The following SPATA3 variants were observed in gnomAD, a reference collection of about 807,000 sequenced individuals.
SPATA3 encodes spermatogenesis-associated protein 3.
SPATA3 carries 6 observed loss-of-function variants against 5.7 expected under a neutral mutation model. The observed-to-expected ratio is 1.06, with a 90% CI of 0.58 to 2.09. SPATA3 has a LOEUF of 2.09. SPATA3 is among the 30% of genes most tolerant of loss of function. The probability of loss-of-function intolerance (pLI) is 0.00; values close to 1 mark genes in which losing one functional copy is unlikely to be tolerated. For missense variants in SPATA3, 155 were observed against 130.4 expected, an observed-to-expected ratio of 1.19 and a Z score of -0.92; for synonymous variants, 44 against 48.4, an observed-to-expected ratio of 0.91 and a Z score of 0.37.
downstream of SPATA3, among the ~76,000 whole-genome samples, chr2:231,003,774 G>A (rs570554893): frequency 6.6e-5 from 10 of 152,324 alleles, no homozygotes; most frequent in Middle Eastern, 3.4e-3. Context: ...GGGGATAATC[G>A]TCTGTTTTCC....
rs1400088248 is a variant in SPATA3 at position 231,000,364 on chromosome 2, A to G, written c.791-2A>G. 1.3e-6 allele frequency: 2 copies of G among 1,490,136 alleles called. No homozygotes were observed. The highest frequency in any genetic ancestry group is 1.3e-5 in the South Asian group (1 of 75,886). 92.3% of individuals were successfully genotyped at this position (1,490,136 alleles called of 1,614,324 possible). A position where few individuals can be genotyped will look rare whatever the true frequency, so the allele number is the denominator to read the frequency against. ...CTCACCTCTCTCCTTCTGTCCCCACAGGGCCTCTGATTCGCGCCGGCCCGC... is the reference window on the plus strand; with the variant it reads ...CTCACCTCTCTCCTTCTGTCCCCACGGGGCCTCTGATTCGCGCCGGCCCGC... On this transcript the variant is annotated splice_acceptor_variant, in intron 1 of 2. Coordinates refer to ENST00000645363, the Ensembl canonical transcript of SPATA3. LOFTEE classifies it high-confidence loss of function.
Position 231,002,716 on chromosome 2 carries a change from A to G in SPATA3, c.995A>G (p.Asn332Ser), listed in dbSNP as rs140808416. 3.9e-6 allele frequency: 6 copies of G among 1,529,350 alleles called. No individual in the cohort carries two copies. In the African/African-American group the frequency reaches 8.3e-5, roughly 21 times the overall value. The allele number at this position is 1,529,350 out of a possible 1,614,324, so 94.7% of individuals were successfully genotyped here. The change falls in exon 3 of 3, where the codon AAC becomes AGC. Residue 332 changes from asparagine to serine, a missense_variant. Coordinates refer to ENST00000645363, the Ensembl canonical transcript of SPATA3. ...TCAAGAAAACCCTCCAGTCATCGTAACGCGTGTCCTCCAAGCCCTCGGAAC... is the reference window on the plus strand; with the variant it reads ...TCAAGAAAACCCTCCAGTCATCGTAGCGCGTGTCCTCCAAGCCCTCGGAAC...
chr2:231,003,479 A>G (rs1001507618), downstream of SPATA3, among the ~76,000 whole-genome samples: 1 of 152,144 alleles, frequency 6.6e-6, no homozygotes, highest in Non-Finnish European at 1.5e-5. Flanking sequence ...GAGGCAAGGG[A>G]AGGAGCTGAG....
intron 1 of SPATA3, among the ~76,000 whole-genome samples, chr2:230,998,401 A>T (rs908141524): frequency 6.6e-6 from 1 of 152,232 alleles, no homozygotes; most frequent in South Asian, 2.1e-4. Flanking sequence ...TGGCATCTTC[A>T]GTACTGGTAG....
At chr2:231,015,060 C>A (rs1459036032) in intron 6 of SPATA3, among the ~76,000 whole-genome samples, 3 of 149,866 alleles carry the variant, frequency 2.0e-5, no homozygotes, top group African/African-American at 7.5e-5. Context: ...GGAGCACCAG[C>A]AAATCCTACA....
chr2:231,003,652 G>T (rs762937432), downstream of SPATA3, among the ~76,000 whole-genome samples: 7 of 152,196 alleles, frequency 4.6e-5, no homozygotes, highest in African/African-American at 1.7e-4. Flanking sequence ...TTTGTGGAAA[G>T]AGCAGCTCCC....
At chr2:231,005,446 C>T (rs1214964337), downstream of SPATA3, among the ~76,000 whole-genome samples, 5 of 109,772 alleles carry the variant, frequency 4.6e-5, no homozygotes, top group Admixed American at 1.8e-4. Flanking sequence ...CAATCACCAC[C>T]ATCACCACCA....
At chr2:230,997,894 T>TAAA (rs1692188655) in intron 1 of SPATA3, among the ~76,000 whole-genome samples, 1 of 152,226 alleles carries the variant, frequency 6.6e-6, no homozygotes, top group Non-Finnish European at 1.5e-5. Flanking sequence ...GATAATCCTA[T>TAAA]AAAAGTTCTT....
downstream of SPATA3, among the ~76,000 whole-genome samples, chr2:231,003,280 G>A (rs1692423414): frequency 6.6e-6 from 1 of 152,194 alleles, no homozygotes; most frequent in Non-Finnish European, 1.5e-5. Flanking sequence ...TGCCTCCTGT[G>A]TTGTGGATGA....
downstream of SPATA3, among the ~76,000 whole-genome samples, chr2:231,006,431 A>T (rs1692627822): frequency 1.3e-5 from 2 of 151,662 alleles, no homozygotes; most frequent in South Asian, 4.2e-4. Context: ...TGCACCCAAG[A>T]GGTGGAGGTT....
chr2:231,016,522 A>G (rs532632925), intron 6 of SPATA3, among the ~76,000 whole-genome samples: 124 of 144,930 alleles, frequency 8.6e-4, no homozygotes, highest in Admixed American at 3.3e-3. Context: ...AAAAAAAAAA[A>G]AAGAAGAAGA....
intron 6 of SPATA3, among the ~76,000 whole-genome samples, chr2:231,016,428 C>T (rs1692938420): frequency 6.8e-6 from 1 of 148,090 alleles, no homozygotes; most frequent in Admixed American, 7.0e-5. Flanking sequence ...TGGCTTACAC[C>T]CAAAATCCCA....
chr2:231,007,756 G>A (rs1399969243), downstream of SPATA3, among the ~76,000 whole-genome samples: 1 of 152,204 alleles, frequency 6.6e-6, no homozygotes, highest in Non-Finnish European at 1.5e-5. Flanking sequence ...CCCAGCCAGT[G>A]CCTGGTGCGA....
At chr2:231,016,269 A>G (rs979171381) in intron 6 of SPATA3, among the ~76,000 whole-genome samples, 1 of 152,018 alleles carries the variant, frequency 6.6e-6, no homozygotes, top group African/African-American at 2.4e-5. Flanking sequence ...CCCCCATAGA[A>G]CCAAGAGGTT....
At chr2:231,005,547 TCACCACCACCATCATC>T (rs1692587052), downstream of SPATA3, among the ~76,000 whole-genome samples, 1 of 55,906 alleles carries the variant, frequency 1.8e-5, no homozygotes, top group Non-Finnish European at 3.9e-5. Context: ...ACCACCATCA[TCACCACCACCATCATC>T]ACCATCATCA....
intron 6 of SPATA3, among the ~76,000 whole-genome samples, chr2:231,015,250 G>C (rs887175873): frequency 1.3e-4 from 16 of 126,648 alleles, no homozygotes; most frequent in Admixed American, 3.4e-4. Flanking sequence ...GCTAACTATC[G>C]TTTTGGCTTT....
chr2:231,016,616 C>T (rs548186606), intron 6 of SPATA3, among the ~76,000 whole-genome samples: 23 of 152,068 alleles, frequency 1.5e-4, no homozygotes, highest in East Asian at 1.9e-4. Context: ...ACTTGGAAGG[C>T]GGAGGTTGCA....
At chr2:230,997,590 A>C (rs1201227444) in intron 1 of SPATA3, among the ~76,000 whole-genome samples, 1 of 152,262 alleles carries the variant, frequency 6.6e-6, no homozygotes, top group Non-Finnish European at 1.5e-5. Context: ...CTAAATTAGC[A>C]ATCTTACCCA....
chr2:231,016,052 G>A (rs1024886857), intron 6 of SPATA3, among the ~76,000 whole-genome samples: 10 of 152,194 alleles, frequency 6.6e-5, no homozygotes, highest in African/African-American at 2.2e-4. Flanking sequence ...CACTTTCCCT[G>A]TCTGTGCCCC....
Sources: allele counts gnomAD v4.1 joint callset (sites outside exome capture counted in the v4.1 genomes callset), GRCh38; gene constraint gnomAD v4.1.1; transcripts MANE v1.5; gene names NCBI Gene and HGNC (gene_info 2026-07-23, HGNC 2026-07-21).